Variants in ME2 observed in about 807,000 individuals in gnomAD.
The protein encoded by ME2 is malic enzyme 2, also known as NAD-dependent malic enzyme, mitochondrial.
ME2 carries 60 observed loss-of-function variants against 73.7 expected under a neutral mutation model. The ratio of observed to expected loss-of-function variants is 0.81; its 90% CI spans 0.66 to 1.01. The LOEUF is 1.01. ME2 is among the 50% of genes least tolerant of loss of function. ME2 has a pLI of 0.00. For missense variants in ME2, 594 were observed against 705.5 expected, an observed-to-expected ratio of 0.84 and a Z score of 1.79; for synonymous variants, 199 against 236.9, an observed-to-expected ratio of 0.84 and a Z score of 1.47.
chr18:50,890,677 T>C (rs889529571), intron 1 of ME2, among the ~76,000 whole-genome samples: 1 of 152,232 alleles, frequency 6.6e-6, no homozygotes. Flanking sequence ...GTCTTTCTTA[T>C]AACCTTCCTC....
At chr18:50,910,075 G>T (rs1350754317) in intron 3 of ME2, among the ~76,000 whole-genome samples, 1 of 152,080 alleles carries the variant, frequency 6.6e-6, no homozygotes, top group Non-Finnish European at 1.5e-5. Flanking sequence ...AGAAGGGCCA[G>T]GGTTGAGTAG....
chr18:50,885,883 T>G (rs1370893955), intron 1 of ME2, among the ~76,000 whole-genome samples: 1 of 152,136 alleles, frequency 6.6e-6, no homozygotes, highest in Non-Finnish European at 1.5e-5. Flanking sequence ...AAAGTCAAAT[T>G]TGAGTAACTT....
At chr18:50,937,185 A>G (rs1022608912) in intron 13 of ME2, among the ~76,000 whole-genome samples, 24 of 152,306 alleles carry the variant, frequency 1.6e-4, no homozygotes, top group African/African-American at 5.3e-4. Flanking sequence ...ACTAAAAGTA[A>G]AAGTAAAAAC....
In ME2 at chr18:50,917,646, A is replaced by G. The variant is rs1222989293; in HGVS notation, c.630+138A>G. The G allele has an allele frequency of 2.5e-5, 12 of 482,472 alleles. No homozygotes were observed. In the East Asian group the frequency reaches 3.3e-4, roughly 13 times the overall value. 29.9% of individuals were successfully genotyped at this position (482,472 alleles called of 1,614,324 possible). On this transcript the variant is annotated intron_variant, in intron 6 of 15. Transcript: ENST00000321341. ...TTTTTTCTTAAACTCCACTTTTAAT[A>G]TTTATATAAATAATAGTAAATTAAG...
chr18:50,911,431 A>G (rs919987511), intron 3 of ME2, among the ~76,000 whole-genome samples: 1 of 152,202 alleles, frequency 6.6e-6, no homozygotes, highest in Non-Finnish European at 1.5e-5. Flanking sequence ...ATAGAAGTAT[A>G]TGAGGTGATC....
rs986473274 is a variant in ME2 at position 50,952,403 on chromosome 18, T to C, written c.*5219T>C. 6.6e-6 allele frequency: 1 copy of C among 152,208 alleles called. No homozygotes were observed. Among genetic ancestry groups the C allele is most frequent in the Non-Finnish European group, 1.5e-5 (1 of 68,040 alleles). The allele number at this position is 152,208 out of a possible 1,614,324, so 9.4% of individuals were successfully genotyped here. A position where few individuals can be genotyped will look rare whatever the true frequency, so the allele number is the denominator to read the frequency against. Reference sequence around the variant, plus strand: ...AGTGATTAGATTTTAAAAACATTATTTTCCTTTCTTGAATAAGGAAAATTG... The same window carrying C: ...AGTGATTAGATTTTAAAAACATTATCTTCCTTTCTTGAATAAGGAAAATTG... On this transcript the variant is annotated 3_prime_UTR_variant, in exon 16 of 16. Transcript: ENST00000321341.
Position 50,952,923 on chromosome 18 carries a change from A to G in ME2, c.*5739A>G, listed in dbSNP as rs1290140562. ...CTCTGTTTCTGTGCCTGATTTACAG[A>G]CAGAGACAGAGGCACAGAGAGGTTA... On this transcript the variant is annotated 3_prime_UTR_variant, in exon 16 of 16. Coordinates refer to ENST00000321341, the MANE Select transcript of ME2 (RefSeq NM_002396.5). The G allele has an allele frequency of 6.6e-6, 1 of 152,072 alleles. No homozygotes were observed. The highest frequency in any genetic ancestry group is 2.4e-5 in the African/African-American group (1 of 41,392). 9.4% of individuals were successfully genotyped at this position (152,072 alleles called of 1,614,324 possible). A position where few individuals can be genotyped will look rare whatever the true frequency, so the allele number is the denominator to read the frequency against.
intron 15 of ME2, among the ~76,000 whole-genome samples, chr18:50,941,374 T>G (rs906000222): frequency 2.3e-5 from 2 of 86,938 alleles, no homozygotes; most frequent in Admixed American, 1.2e-4. Flanking sequence ...TTTTTTTTTT[T>G]TTTTTTTTTT....
rs1428639756 is a variant in ME2 at position 50,952,967 on chromosome 18, T to A, written c.*5783T>A. On this transcript the variant is annotated 3_prime_UTR_variant, in exon 16 of 16. Coordinates refer to ENST00000321341, the MANE Select transcript of ME2 (RefSeq NM_002396.5). ...GAGGTTAAATGACTTGTCAAAGGTC[T>A]TATGATGTGTGGCAGAGCCTGGGTT... 1 of 152,212 alleles carries A rather than the reference T, an allele frequency of 6.6e-6. No homozygotes were observed. The highest frequency in any genetic ancestry group is 1.9e-4 in the East Asian group (1 of 5,194). 9.4% of individuals were successfully genotyped at this position (152,212 alleles called of 1,614,324 possible). A position where few individuals can be genotyped will look rare whatever the true frequency, so the allele number is the denominator to read the frequency against.
At chr18:50,914,614 A>G (rs1917242952) in intron 4 of ME2, among the ~76,000 whole-genome samples, 1 of 152,208 alleles carries the variant, frequency 6.6e-6, no homozygotes, top group Non-Finnish European at 1.5e-5. Flanking sequence ...ACTTTAAGCT[A>G]ATTAAATCAG....
chr18:50,938,456 C>T (rs1789485308), intron 13 of ME2, among the ~76,000 whole-genome samples: 1 of 152,126 alleles, frequency 6.6e-6, no homozygotes, highest in South Asian at 2.1e-4. Context: ...GGAATAATAC[C>T]TCACAGTTCT....
chr18:50,931,036 C>T (rs1229950316), intron 12 of ME2, among the ~76,000 whole-genome samples: 1 of 152,228 alleles, frequency 6.6e-6, no homozygotes, highest in Non-Finnish European at 1.5e-5. Flanking sequence ...GGTTACTCTG[C>T]ATTATTGACC....
rs1360431677 is a variant in ME2 at position 50,947,373 on chromosome 18, G to A, written c.*189G>A. On this transcript the variant is annotated 3_prime_UTR_variant, in exon 16 of 16. Coordinates refer to ENST00000321341, the MANE Select transcript of ME2 (RefSeq NM_002396.5). ...TGTTGATTGATTGCATTGCCCACCA[G>A]CACCCTACAGTCAGATAGTTGTGAT... The A allele has an allele frequency of 8.6e-6, 5 of 578,516 alleles. No individual in the cohort carries two copies. The highest frequency in any genetic ancestry group is 1.5e-5 in the Non-Finnish European group (5 of 327,182). 35.8% of individuals were successfully genotyped at this position (578,516 alleles called of 1,614,324 possible).
Position 50,953,321 on chromosome 18 carries a change from AT to A in ME2, c.*6138del, listed in dbSNP as rs1180830027. The A allele has an allele frequency of 6.6e-6, 1 of 151,970 alleles. No individual in the cohort carries two copies. Among genetic ancestry groups the A allele is most frequent in the Admixed American group, 6.6e-5 (1 of 15,246 alleles). The allele number at this position is 151,970 out of a possible 1,614,324, so 9.4% of individuals were successfully genotyped here. On this transcript the variant is annotated 3_prime_UTR_variant, in exon 16 of 16. Coordinates refer to ENST00000321341, the MANE Select transcript of ME2 (RefSeq NM_002396.5). ...CACCGTGTTAGCCAGGATGGTCTCG[AT>A]CTCCTGACCTCATGATCCACCCGCC... is the stretch of plus-strand genomic sequence containing the variant.
At chr18:50,946,991 A>G (rs750733697) in intron 15 of ME2, 26 bp from the exon 16 acceptor site, 1 of 1,572,352 alleles carries the variant, frequency 6.4e-7, no homozygotes, top group East Asian at 2.2e-5. Context: ...CTCAGAGCCT[A>G]CACAATAACC....
intron 3 of ME2, among the ~76,000 whole-genome samples, chr18:50,911,560 G>C (rs1917156446): frequency 1.3e-5 from 2 of 152,160 alleles, no homozygotes; most frequent in African/African-American, 4.8e-5. Flanking sequence ...TCTAAAGCGT[G>C]TATGTATACA....
intron 15 of ME2, among the ~76,000 whole-genome samples, chr18:50,943,481 T>G (rs1489628882): frequency 6.6e-6 from 1 of 152,016 alleles, no homozygotes; most frequent in Non-Finnish European, 1.5e-5. Context: ...TTTTTGCATT[T>G]TTGGTACAGA....
intron 1 of ME2, among the ~76,000 whole-genome samples, chr18:50,890,443 A>G (rs574825492): frequency 2.6e-5 from 4 of 152,178 alleles, no homozygotes; most frequent in Non-Finnish European, 4.4e-5. Context: ...GTGAATTTTA[A>G]TAAAACCTTA....
intron 2 of ME2, among the ~76,000 whole-genome samples, chr18:50,902,988 C>G (rs1004152492): frequency 1.3e-5 from 2 of 152,062 alleles, no homozygotes; most frequent in African/African-American, 2.4e-5. Flanking sequence ...TCAATATTGA[C>G]TCGTGGAGAA....
Sources: allele counts gnomAD v4.1 joint callset (sites outside exome capture counted in the v4.1 genomes callset), GRCh38; gene constraint gnomAD v4.1.1; transcripts MANE v1.5; gene names NCBI Gene and HGNC (gene_info 2026-07-23, HGNC 2026-07-21).